The following EIF5B variants were observed in gnomAD, a reference collection of about 807,000 sequenced individuals.
The protein encoded by EIF5B is eukaryotic translation initiation factor 5B, also known as eIF-5B.
EIF5B carries 47 observed loss-of-function variants against 147.5 expected under a neutral mutation model. The ratio of observed to expected loss-of-function variants is 0.32; its 90% CI spans 0.25 to 0.41. The LOEUF (loss-of-function observed/expected upper bound fraction) is 0.41, where lower values mean the gene tolerates loss of function less well. EIF5B is among the 10% of genes least tolerant of loss of function. EIF5B has a pLI of 1.00. For synonymous variants in EIF5B, 455 were observed against 456.2 expected, an observed-to-expected ratio of 1.00 and a Z score of 0.03; for missense variants, 1,064 against 1,413.2, an observed-to-expected ratio of 0.75 and a Z score of 3.96.
intron 17 of EIF5B, among the ~76,000 whole-genome samples, chr2:99,391,277 A>T (rs1273668519): frequency 6.6e-6 from 1 of 152,194 alleles, no homozygotes; most frequent in Non-Finnish European, 1.5e-5. Flanking sequence ...GAGTAAGCTG[A>T]GAGGGAAGAA....
intron 1 of EIF5B, among the ~76,000 whole-genome samples, chr2:99,345,182 G>T (rs531061166): frequency 1.3e-5 from 2 of 152,294 alleles, no homozygotes; most frequent in Admixed American, 6.5e-5. Flanking sequence ...AGTGTTAGAC[G>T]TGTTTTTTAT....
chr2:99,363,296 A>G (rs1674258510), intron 4 of EIF5B, among the ~76,000 whole-genome samples: 1 of 152,206 alleles, frequency 6.6e-6, no homozygotes, highest in South Asian at 2.1e-4. Context: ...TTAGAACTTC[A>G]TATAAGCATC....
At chr2:99,348,782 G>A (rs1456101037) in intron 1 of EIF5B, among the ~76,000 whole-genome samples, 1 of 152,180 alleles carries the variant, frequency 6.6e-6, no homozygotes, top group African/African-American at 2.4e-5. Flanking sequence ...TGGGGATGGG[G>A]ACGGAGGAAG....
chr2:99,393,968 T>C lies in EIF5B; in HGVS notation c.2881-299T>C, dbSNP rs1455821883. On this transcript the variant is annotated intron_variant, in intron 18 of 23. Transcript: ENST00000289371. ...GTACTTTTTTAACTTTAAAAAAATT[T>C]TTCTTCTCTACTGTTTAATTCTGCC... Among the ~76,000 whole-genome samples, 3 of 152,328 alleles carry C rather than the reference T, an allele frequency of 2.0e-5. No homozygotes were observed. In the East Asian group the frequency reaches 5.8e-4, roughly 29 times the overall value.
chr2:99,389,648 G>A, intron 14 of EIF5B, 70 bp from the exon 15 acceptor site: 3 of 1,430,306 alleles, frequency 2.1e-6, no homozygotes, highest in Non-Finnish European at 2.8e-6. Context: ...GGAATTTTCT[G>A]GAGCTATTAA....
intron 1 of EIF5B, among the ~76,000 whole-genome samples, chr2:99,342,866 T>C (rs2105334078): frequency 6.6e-6 from 1 of 152,246 alleles, no homozygotes; most frequent in Middle Eastern, 3.4e-3. Flanking sequence ...GCTCCTGGCC[T>C]CAAGTGATCC....
chr2:99,394,712 C>T lies in EIF5B; in HGVS notation c.3090-7C>T. On this transcript the variant is annotated splice_polypyrimidine_tract_variant and splice_region_variant and intron_variant, in intron 20 of 23. Transcript: ENST00000289371. ...TGAATGGTCTTTGATGTGTTTTAACCTTTTAGGTATGCAGTAATTTTGGCC... is the reference window on the plus strand; with the variant it reads ...TGAATGGTCTTTGATGTGTTTTAACTTTTTAGGTATGCAGTAATTTTGGCC... 6.2e-7 allele frequency: 1 copy of T among 1,611,082 alleles called. No individual in the cohort carries two copies. Among genetic ancestry groups the T allele is most frequent in the Non-Finnish European group, 8.5e-7 (1 of 1,179,042 alleles).
At chr2:99,338,444 C>A in intron 1 of EIF5B, 1 of 749,698 alleles carries the variant, frequency 1.3e-6, no homozygotes, top group Non-Finnish European at 2.0e-6. Flanking sequence ...ACCCACCAAA[C>A]TTAAATACGA....
chr2:99,391,878 C>T (rs1395484440), intron 17 of EIF5B, among the ~76,000 whole-genome samples: 1 of 151,598 alleles, frequency 6.6e-6, no homozygotes, highest in Non-Finnish European at 1.5e-5. Flanking sequence ...ACTATAGGTA[C>T]GCACCACCAC....
intron 17 of EIF5B, 69 bp from the exon 18 acceptor site, chr2:99,392,898 T>C: frequency 7.7e-7 from 1 of 1,297,616 alleles, no homozygotes; most frequent in Non-Finnish European, 1.0e-6. Flanking sequence ...GATGAGATTC[T>C]CTTATATCAT....
At position 99,399,255 on chromosome 2, in the gene EIF5B, T is replaced by G. The variant is rs1363161479; in HGVS notation, c.3556-52T>G. Reference sequence around the variant, plus strand: ...CGGGCATCTGGGGCCACAGCTTTCTTTGGCACGTTTGTTATGTTCTGTTTA... The same window carrying G: ...CGGGCATCTGGGGCCACAGCTTTCTGTGGCACGTTTGTTATGTTCTGTTTA... On this transcript the variant is annotated intron_variant, in intron 23 of 23. Coordinates refer to ENST00000289371, the MANE Select transcript of EIF5B (RefSeq NM_015904.4). 5.1e-6 allele frequency: 8 copies of G among 1,557,246 alleles called. No homozygotes were observed. In the Admixed American group the frequency reaches 1.4e-4, roughly 26 times the overall value.
At chr2:99,347,804 C>T (rs892293192) in intron 1 of EIF5B, among the ~76,000 whole-genome samples, 4 of 152,072 alleles carry the variant, frequency 2.6e-5, no homozygotes, top group Admixed American at 6.5e-5. Flanking sequence ...TCTTTTTCAT[C>T]AACCGGAAAC....
intron 1 of EIF5B, among the ~76,000 whole-genome samples, chr2:99,339,302 C>T (rs975686984): frequency 2.6e-5 from 4 of 151,948 alleles, no homozygotes; most frequent in Admixed American, 6.6e-5. Flanking sequence ...CGTGATCCAT[C>T]GCCCCTGGCC....
intron 14 of EIF5B, among the ~76,000 whole-genome samples, chr2:99,388,553 C>A (rs915000084): frequency 6.6e-6 from 1 of 151,964 alleles, no homozygotes; most frequent in East Asian, 1.9e-4. Context: ...GTGTCAAATT[C>A]TTTTCCTGCG....
chr2:99,378,738 A>G (rs909358708), intron 10 of EIF5B, among the ~76,000 whole-genome samples: 1 of 152,218 alleles, frequency 6.6e-6, no homozygotes, highest in Non-Finnish European at 1.5e-5. Context: ...GTAACTGTGT[A>G]CAAAAGTATT....
chr2:99,365,062 A>G (rs1464041411), intron 6 of EIF5B, among the ~76,000 whole-genome samples: 2 of 152,216 alleles, frequency 1.3e-5, no homozygotes, highest in Non-Finnish European at 1.5e-5. Flanking sequence ...AAGGTGATTT[A>G]AAATAGTGTC....
chr2:99,389,855 A>G lies in EIF5B; in HGVS notation c.2403+6A>G, dbSNP rs774722641. 1.2e-6 allele frequency: 2 copies of G among 1,602,170 alleles called. No individual in the cohort carries two copies. Among genetic ancestry groups the G allele is most frequent in the South Asian group, 2.3e-5 (2 of 87,980 alleles). On this transcript the variant is annotated splice_donor_region_variant and intron_variant, in intron 15 of 23. Coordinates refer to ENST00000289371, the MANE Select transcript of EIF5B (RefSeq NM_015904.4). ...TTGTAGAATTTGCACAGCAGGTAAGAAGGCCTTCCTTCTTTCTGAAGAGCC... is the reference window on the plus strand; with the variant it reads ...TTGTAGAATTTGCACAGCAGGTAAGGAGGCCTTCCTTCTTTCTGAAGAGCC...
intron 14 of EIF5B, among the ~76,000 whole-genome samples, chr2:99,386,181 G>A (rs1357052196): frequency 6.6e-6 from 1 of 152,218 alleles, no homozygotes; most frequent in Non-Finnish European, 1.5e-5. Context: ...CAGCATTCTA[G>A]TAGGTGTGTA....
At chr2:99,338,926 A>G (rs1003138782) in intron 1 of EIF5B, among the ~76,000 whole-genome samples, 18 of 146,548 alleles carry the variant, frequency 1.2e-4, no homozygotes, top group African/African-American at 2.7e-4. Flanking sequence ...GTGTGTGTAT[A>G]TATATATATA....
Sources: gnomAD v4.1 joint callset for allele counts (sites outside exome capture counted in the v4.1 genomes callset) on GRCh38, gnomAD v4.1.1 for gene constraint, MANE v1.5 for transcripts, NCBI Gene and HGNC (gene_info 2026-07-23, HGNC 2026-07-21) for gene names.